Variants in CDK14 observed in about 807,000 individuals in gnomAD.
CDK14 encodes cyclin dependent kinase 14, also known as cyclin-dependent kinase 14.
In CDK14, 34 loss-of-function variants were observed where a neutral mutation model predicts 60.7. The observed-to-expected ratio is 0.56, with a 90% CI of 0.43 to 0.75. CDK14 has a LOEUF of 0.75. Ranked by LOEUF, CDK14 falls within the 30% of genes least tolerant of loss-of-function variation. The probability of loss-of-function intolerance (pLI) is 0.00; values close to 1 mark genes in which losing one functional copy is unlikely to be tolerated. For synonymous variants in CDK14, 197 were observed against 203.7 expected (o/e 0.97, Z 0.28); for missense variants, 482 against 564.1 (o/e 0.85, Z 1.47).
At chr7:91,204,881 A>C (rs908036977) in intron 14 of CDK14, among the ~76,000 whole-genome samples, 1 of 152,076 alleles carries the variant, frequency 6.6e-6, no homozygotes, top group Middle Eastern at 3.2e-3. Flanking sequence ...CAGGAAGGTC[A>C]AGGCTGCAGT....
intron 4 of CDK14, among the ~76,000 whole-genome samples, chr7:90,783,240 T>A (rs995610029): frequency 1.3e-5 from 2 of 152,188 alleles, no homozygotes; most frequent in Admixed American, 6.5e-5. Flanking sequence ...TTCCCTCATT[T>A]CATTAAATCT....
At chr7:90,856,034 T>C (rs1790807380) in intron 5 of CDK14, among the ~76,000 whole-genome samples, 1 of 152,188 alleles carries the variant, frequency 6.6e-6, no homozygotes, top group African/African-American at 2.4e-5. Flanking sequence ...TTTTTGCCCA[T>C]CTCCAAACTG....
At chr7:90,770,637 G>C (rs1804746866) in intron 4 of CDK14, among the ~76,000 whole-genome samples, 1 of 152,192 alleles carries the variant, frequency 6.6e-6, no homozygotes, top group African/African-American at 2.4e-5. Context: ...GGAGTCTGCT[G>C]TCTTTCCCCA....
chr7:90,682,617 T>C (rs757247166), intron 2 of CDK14, among the ~76,000 whole-genome samples: 2 of 152,220 alleles, frequency 1.3e-5, no homozygotes, highest in Non-Finnish European at 2.9e-5. Flanking sequence ...ACGATACTTA[T>C]TATCTTTTAT....
chr7:90,698,308 C>G (rs1383850930), intron 2 of CDK14, among the ~76,000 whole-genome samples: 2 of 152,060 alleles, frequency 1.3e-5, no homozygotes, highest in East Asian at 3.9e-4. Flanking sequence ...ATGAATTCTA[C>G]CTATAAATTA....
intron 9 of CDK14, among the ~76,000 whole-genome samples, chr7:90,970,977 C>T (rs191001666): frequency 1.6e-4 from 25 of 152,074 alleles, no homozygotes; most frequent in African/African-American, 5.3e-4. Flanking sequence ...ATGTGCACAA[C>T]GTGCAGGTTT....
intron 4 of CDK14, among the ~76,000 whole-genome samples, chr7:90,767,702 G>A (rs542299394): frequency 2.6e-5 from 4 of 151,906 alleles, no homozygotes; most frequent in East Asian, 1.9e-4. Flanking sequence ...CTCCTGACTC[G>A]CCAGCACCTT....
chr7:90,974,004 G>A (rs1794999986), intron 9 of CDK14, among the ~76,000 whole-genome samples: 1 of 152,088 alleles, frequency 6.6e-6, no homozygotes, highest in Non-Finnish European at 1.5e-5. Flanking sequence ...GCATATTTCA[G>A]TCCTTATCTC....
intron 6 of CDK14, among the ~76,000 whole-genome samples, chr7:90,865,888 AAGATAGACCC>A (rs1216959944): frequency 6.6e-6 from 1 of 152,146 alleles, no homozygotes; most frequent in African/African-American, 2.4e-5. Flanking sequence ...TGTAGTTTGT[AAGATAGACCC>A]AGGCCCATCC....
intron 6 of CDK14, among the ~76,000 whole-genome samples, chr7:90,873,697 T>C (rs1791453598): frequency 6.6e-6 from 1 of 152,162 alleles, no homozygotes; most frequent in Admixed American, 6.5e-5. Flanking sequence ...TACCTTCAAC[T>C]TTCCACTTTT....
chr7:90,684,968 GTA>G (rs1563044026), intron 2 of CDK14, among the ~76,000 whole-genome samples: 2 of 148,428 alleles, frequency 1.3e-5, no homozygotes, highest in Non-Finnish European at 3.0e-5. Flanking sequence ...TTTTAAATAT[GTA>G]TATGTTTTTA....
At chr7:90,906,280 A>C (rs980088247) in intron 7 of CDK14, among the ~76,000 whole-genome samples, 4 of 152,172 alleles carry the variant, frequency 2.6e-5, no homozygotes, top group Non-Finnish European at 5.9e-5. Context: ...AAATATAGAC[A>C]AAAAACCTCA....
intron 4 of CDK14, among the ~76,000 whole-genome samples, chr7:90,784,098 A>C (rs1041243847): frequency 1.3e-5 from 2 of 152,208 alleles, no homozygotes; most frequent in African/African-American, 4.8e-5. Context: ...ATTCAGCCAT[A>C]AAAAATAATT....
chr7:90,985,598 A>C (rs1440811447), intron 10 of CDK14, among the ~76,000 whole-genome samples: 1 of 152,198 alleles, frequency 6.6e-6, no homozygotes, highest in Non-Finnish European at 1.5e-5. Flanking sequence ...TTAAGAATAC[A>C]ATCTGCAGTA....
At chr7:90,882,067 G>T (rs1791773742) in intron 6 of CDK14, among the ~76,000 whole-genome samples, 1 of 152,058 alleles carries the variant, frequency 6.6e-6, no homozygotes, top group South Asian at 2.1e-4. Flanking sequence ...ATGATGACAG[G>T]ATAAATTCAC....
Position 91,209,249 on chromosome 7 carries a change from G to C in CDK14, c.*2113G>C, listed in dbSNP as rs532198680. 1 of 152,262 alleles carries C rather than the reference G, an allele frequency of 6.6e-6. No homozygotes were observed. The highest frequency in any genetic ancestry group is 2.4e-5 in the African/African-American group (1 of 41,550). 9.4% of individuals were successfully genotyped at this position (152,262 alleles called of 1,614,324 possible). On this transcript the variant is annotated 3_prime_UTR_variant, in exon 15 of 15. Coordinates refer to ENST00000380050, the MANE Select transcript of CDK14 (RefSeq NM_001287135.2). ...GCTATTAGAGTTATATCTCCCTGTC[G>C]TAGGCAGCTTCTTCGGAGAAGTGAA...
At chr7:90,688,669 T>C (rs1173904037) in intron 2 of CDK14, among the ~76,000 whole-genome samples, 1 of 152,130 alleles carries the variant, frequency 6.6e-6, no homozygotes, top group Admixed American at 6.6e-5. Flanking sequence ...TTAAAGTTTA[T>C]TATGGTAATG....
At chr7:91,038,344 G>A in intron 10 of CDK14, among the ~76,000 whole-genome samples, 1 of 152,062 alleles carries the variant, frequency 6.6e-6, no homozygotes, top group Non-Finnish European at 1.5e-5. Flanking sequence ...TATGTACTTT[G>A]ATAAAAGGAA....
intron 14 of CDK14, among the ~76,000 whole-genome samples, chr7:91,139,329 A>G (rs543958955): frequency 7.2e-5 from 11 of 152,330 alleles, no homozygotes; most frequent in Admixed American, 6.5e-4. Context: ...TGTAGTAAAA[A>G]TAATAAGTAT....
Sources: gnomAD v4.1 joint callset for allele counts (sites outside exome capture counted in the v4.1 genomes callset) on GRCh38, gnomAD v4.1.1 for gene constraint, MANE v1.5 for transcripts, NCBI Gene and HGNC (gene_info 2026-07-23, HGNC 2026-07-21) for gene names.